The following FGF14 variants were observed in gnomAD, a reference collection of about 807,000 sequenced individuals.
FGF14 encodes the protein fibroblast growth factor 14.
Under a neutral mutation model 25.5 loss-of-function variants are expected in FGF14, and 5 were observed. The ratio of observed to expected loss-of-function variants is 0.20; its 90% CI spans 0.10 to 0.41. The LOEUF (loss-of-function observed/expected upper bound fraction) is 0.41, where lower values mean the gene tolerates loss of function less well. Ranked by LOEUF, FGF14 falls within the 10% of genes least tolerant of loss-of-function variation. The probability of loss-of-function intolerance (pLI) is 1.00; values close to 1 mark genes in which losing one functional copy is unlikely to be tolerated. For synonymous variants in FGF14, 138 were observed against 118.3 expected (o/e 1.17, Z -1.08); for missense variants, 222 against 320.1 (o/e 0.69, Z 2.34).
intron 1 of FGF14, among the ~76,000 whole-genome samples, chr13:102,160,372 C>G (rs1049173019): frequency 6.6e-6 from 1 of 152,072 alleles, no homozygotes; most frequent in African/African-American, 2.4e-5. Flanking sequence ...ATCCAGTCCA[C>G]CCCCCAGAAA....
chr13:102,319,680 G>A (rs1395614217), intron 1 of FGF14, among the ~76,000 whole-genome samples: 1 of 152,220 alleles, frequency 6.6e-6, no homozygotes, highest in Non-Finnish European at 1.5e-5. Flanking sequence ...CTCAGTTCTT[G>A]AGCCAAATGA....
chr13:101,827,511 A>T lies in FGF14; in HGVS notation c.408+41214T>A, dbSNP rs532765899. ...TTATTTTTTATACATTTCTTTATAA[A>T]TGCTTTTTATACTTATTTACTTCAA... is the stretch of plus-strand genomic sequence containing the variant. On this transcript the variant is annotated intron_variant, in intron 3 of 4. Transcript: ENST00000376143. Among the ~76,000 whole-genome samples, 4 of 151,998 alleles carry T rather than the reference A, an allele frequency of 2.6e-5. No homozygotes were observed. In the South Asian group the frequency reaches 8.3e-4, roughly 32 times the overall value.
In FGF14 at chr13:101,870,953, A is replaced by AAAAT. The variant is rs574692031; in HGVS notation, c.305-2129_305-2126dup. ...GGGCAATGAGCGAAACTCCATCTCA[A>AAAAT]AAATAAATAAATAAATAAATAAATA... On this transcript the variant is annotated intron_variant, in intron 2 of 4. Transcript: ENST00000376143. 5.1e-3 allele frequency among the ~76,000 whole-genome samples: 761 copies of AAAAT among 148,738 alleles called. 2 individuals carry two copies. The highest frequency in any genetic ancestry group is 8.0e-3 in the Non-Finnish European group (537 of 67,540).
intron 1 of FGF14, among the ~76,000 whole-genome samples, chr13:102,183,874 C>T (rs2048773696): frequency 6.6e-6 from 1 of 152,128 alleles, no homozygotes; most frequent in African/African-American, 2.4e-5. Flanking sequence ...AAAATAAGAA[C>T]CATCGCATAT....
intron 1 of FGF14, among the ~76,000 whole-genome samples, chr13:101,892,983 G>A (rs1001102336): frequency 7.2e-5 from 11 of 152,158 alleles, no homozygotes; most frequent in East Asian, 3.9e-4. Flanking sequence ...AAGATCATAC[G>A]TAGACAGGTG....
chr13:102,200,994 G>T (rs1037385089), intron 1 of FGF14, among the ~76,000 whole-genome samples: 1 of 150,908 alleles, frequency 6.6e-6, no homozygotes, highest in Non-Finnish European at 1.5e-5. Context: ...CCCAGCTACT[G>T]GGGAGGCTGA....
At chr13:102,035,593 A>C (rs549532028) in intron 1 of FGF14, among the ~76,000 whole-genome samples, 1 of 152,156 alleles carries the variant, frequency 6.6e-6, no homozygotes, top group Non-Finnish European at 1.5e-5. Context: ...AATGCATTGC[A>C]TTGCTAACTT....
intron 1 of FGF14, among the ~76,000 whole-genome samples, chr13:101,891,095 T>C (rs1289182933): frequency 3.9e-5 from 6 of 152,188 alleles, no homozygotes; most frequent in South Asian, 2.1e-4. Flanking sequence ...CACTGTACCT[T>C]TTACAGGAAA....
chr13:102,038,400 G>A (rs1003453866), intron 1 of FGF14, among the ~76,000 whole-genome samples: 2 of 151,960 alleles, frequency 1.3e-5, no homozygotes, highest in Non-Finnish European at 2.9e-5. Flanking sequence ...CTGCTCCTAG[G>A]GTATGCAAAA....
At chr13:102,385,955 C>T (rs1030370861) in intron 1 of FGF14, among the ~76,000 whole-genome samples, 10 of 151,974 alleles carry the variant, frequency 6.6e-5, no homozygotes, top group Non-Finnish European at 1.2e-4. Flanking sequence ...TGTAATATAG[C>T]GTTTAGGAAA....
intron 1 of FGF14, among the ~76,000 whole-genome samples, chr13:102,219,385 T>A (rs529179774): frequency 5.3e-5 from 8 of 152,168 alleles, no homozygotes; most frequent in Admixed American, 2.6e-4. Flanking sequence ...GAAGAAGGAC[T>A]TCTTCACCCA....
In FGF14 at chr13:101,721,094, G is replaced by C. The variant is rs1340615716; in HGVS notation, c.*1737C>G. On this transcript the variant is annotated 3_prime_UTR_variant, in exon 5 of 5. Transcript: ENST00000376143. ...TCCTCCCACATAGAAAGAATAACAA[G>C]AGGCCAGTACATTGATCCCACATAT... 4 of 152,090 alleles carry C rather than the reference G, an allele frequency of 2.6e-5. No individual in the cohort carries two copies. The highest frequency in any genetic ancestry group is 9.7e-5 in the African/African-American group (4 of 41,432). The allele number at this position is 152,090 out of a possible 1,614,324, so 9.4% of individuals were successfully genotyped here.
chr13:102,186,815 T>C lies in FGF14; in HGVS notation c.208+214656A>G, dbSNP rs150658399. Among the ~76,000 whole-genome samples, 416 of 152,274 alleles carry C rather than the reference T, an allele frequency of 2.7e-3. 2 individuals carry two copies. The highest frequency in any genetic ancestry group is 8.9e-3 in the African/African-American group (370 of 41,548). The stretch of plus-strand genomic sequence containing the variant: ...ATACATGCAGTGCACATATAAAACA[T>C]GTACACACACTTGAGTTACATAAAT... On this transcript the variant is annotated intron_variant, in intron 1 of 4. Coordinates refer to the FGF14 transcript ENST00000376131.
chr13:102,137,259 C>G (rs893943070), intron 1 of FGF14, among the ~76,000 whole-genome samples: 1 of 152,202 alleles, frequency 6.6e-6, no homozygotes, highest in Non-Finnish European at 1.5e-5. Context: ...AACAAGATAA[C>G]TGACAAGGAT....
intron 1 of FGF14, among the ~76,000 whole-genome samples, chr13:102,207,036 CTT>C (rs2049957505): frequency 6.6e-6 from 1 of 152,124 alleles, no homozygotes; most frequent in Non-Finnish European, 1.5e-5. Context: ...AATCCCAACA[CTT>C]TGGGAGGCTG....
intron 1 of FGF14, among the ~76,000 whole-genome samples, chr13:101,944,015 CA>C (rs58749888): frequency 0.26 from 35,194 of 134,538 alleles, 7,268 homozygotes; most frequent in African/African-American, 0.57. Context: ...AAAAAAAAAA[CA>C]AAAAAAAAAC....
intron 1 of FGF14, among the ~76,000 whole-genome samples, chr13:102,396,107 C>G (rs1380730815): frequency 2.0e-5 from 3 of 152,142 alleles, no homozygotes. Flanking sequence ...CATAACTAAA[C>G]CTTGTACCTG....
chr13:101,750,189 C>A (rs1397463968), intron 3 of FGF14, among the ~76,000 whole-genome samples: 1 of 152,040 alleles, frequency 6.6e-6, no homozygotes, highest in African/African-American at 2.4e-5. Flanking sequence ...CGTGTAGCAG[C>A]CTGAATAGAA....
intron 1 of FGF14, among the ~76,000 whole-genome samples, chr13:102,271,632 A>G (rs911678751): frequency 6.6e-6 from 1 of 152,178 alleles, no homozygotes; most frequent in African/African-American, 2.4e-5. Flanking sequence ...ATTAATTTTC[A>G]TATGTCCATT....
Sources: gnomAD v4.1 joint callset for allele counts (sites outside exome capture counted in the v4.1 genomes callset) on GRCh38, gnomAD v4.1.1 for gene constraint, MANE v1.5 for transcripts, NCBI Gene and HGNC (gene_info 2026-07-23, HGNC 2026-07-21) for gene names.